The following IFT140 variants were observed in gnomAD, a reference collection of about 807,000 sequenced individuals.
IFT140 encodes the protein intraflagellar transport protein 140 homolog.
In IFT140, 133 loss-of-function variants were observed where a neutral mutation model predicts 164.6. That is an observed-to-expected ratio of 0.81 (90% CI 0.70 to 0.93). IFT140 has a LOEUF of 0.93. Ranked by LOEUF, IFT140 falls within the 40% of genes least tolerant of loss-of-function variation. IFT140 has a pLI of 0.00. For missense variants in IFT140, 2,045 were observed against 1,972.3 expected (o/e 1.04, Z -0.70); for synonymous variants, 860 against 817.3 (o/e 1.05, Z -0.89).
chr16:1,512,347 A>G (rs974814389), intron 30 of IFT140, among the ~76,000 whole-genome samples: 54 of 152,168 alleles, frequency 3.5e-4, no homozygotes, highest in African/African-American at 1.2e-3. Context: ...ATGGCGGGAA[A>G]GCTGAGCGGA....
intron 7 of IFT140, among the ~76,000 whole-genome samples, chr16:1,588,938 G>C (rs922858794): frequency 7.2e-5 from 11 of 152,116 alleles, no homozygotes; most frequent in Non-Finnish European, 1.2e-4. Flanking sequence ...GCCCTGTGGG[G>C]ACACCGGGAA....
At chr16:1,511,299 G>C in intron 30 of IFT140, 149 bp from the exon 31 acceptor site, 3 of 732,960 alleles carry the variant, frequency 4.1e-6, no homozygotes, top group South Asian at 1.5e-5. Context: ...CTTCCCATTG[G>C]TGATGGGGGA....
chr16:1,603,068 G>A (rs1334223234), intron 3 of IFT140, among the ~76,000 whole-genome samples: 1 of 152,150 alleles, frequency 6.6e-6, no homozygotes, highest in Non-Finnish European at 1.5e-5. Context: ...TCATAAAAAC[G>A]CACCAACCTT....
chr16:1,514,313 TGAGCC>T (rs1490732741), intron 30 of IFT140: 2 of 151,868 alleles, frequency 1.3e-5, no homozygotes, highest in Non-Finnish European at 2.9e-5. Flanking sequence ...GAGCTTGCAG[TGAGCC>T]GAGATCACGC....
intron 6 of IFT140, among the ~76,000 whole-genome samples, chr16:1,590,320 CCT>C (rs532700420): frequency 4.6e-4 from 70 of 152,290 alleles, no homozygotes; most frequent in African/African-American, 1.5e-3. Context: ...CTCCTCTGCC[CCT>C]GTCTTGGAGG....
chr16:1,589,922 C>A, intron 6 of IFT140, 142 bp from the exon 7 acceptor site: 2 of 706,748 alleles, frequency 2.8e-6, no homozygotes, highest in Non-Finnish European at 4.5e-6. Flanking sequence ...ATGGGCCGGG[C>A]AAAGTGGCTC....
intron 19 of IFT140, chr16:1,528,924 G>T (rs2030133632): frequency 6.6e-6 from 1 of 152,214 alleles, no homozygotes; most frequent in Admixed American, 6.5e-5. Flanking sequence ...TCTCCGGGAG[G>T]TGTGGGCTGC....
At chr16:1,570,676 T>C (rs1266781412) in intron 14 of IFT140, among the ~76,000 whole-genome samples, 1 of 152,176 alleles carries the variant, frequency 6.6e-6, no homozygotes, top group Non-Finnish European at 1.5e-5. Flanking sequence ...CCACACCCTT[T>C]AGTGAAGCTG....
rs763362512 is a variant in IFT140, at chr16:1,564,068, C to A, written c.1996G>T (p.Val666Leu). 6.2e-7 allele frequency: 1 copy of A among 1,604,558 alleles called. No homozygotes were observed. The part of the protein sequence containing the change: ...SEPRLFVCEA[V>L]QETPRSQPQS... ...GGCTGGGAGCGCGGCGTCTCCTGCA[C>A]GGCTTCGCATACAAACAGCCGGGGC... The change falls in exon 17 of 31, where the codon GTG (valine) becomes TTG (leucine). Residue 666 changes from valine to leucine, a missense_variant. Transcript: ENST00000426508. The surrounding 1 kb of genome is among the most constrained non-coding windows in gnomAD (Gnocchi z 5.5).
intron 19 of IFT140, chr16:1,554,970 C>A (rs996598795): frequency 1.2e-6 from 2 of 1,613,960 alleles, no homozygotes; most frequent in Non-Finnish European, 1.7e-6. Flanking sequence ...CAGCCGCTCC[C>A]TGACAGCGCG....
chr16:1,511,120 G>T lies in IFT140; in HGVS notation c.4213C>A (p.Arg1405=). ...TAGGACATGTTGGCCAAGGGAAGCC[G>T]CCGCCGCATCTCCTCCAGGAATCTG... ...AYRFLEEMRR[R]LPLANMSYYV... The change falls in exon 31 of 31, where the codon CGG becomes AGG. Residue 1405 remains arginine (R), a synonymous_variant. Coordinates refer to ENST00000426508, the MANE Select transcript of IFT140 (RefSeq NM_014714.4). 1 of 1,608,710 alleles carries T rather than the reference G, an allele frequency of 6.2e-7. No homozygotes were observed. The highest frequency in any genetic ancestry group is 8.5e-7 in the Non-Finnish European group (1 of 1,178,512).
chr16:1,528,199 C>T (rs1213261544), intron 19 of IFT140, among the ~76,000 whole-genome samples: 2 of 152,164 alleles, frequency 1.3e-5, no homozygotes, highest in South Asian at 4.1e-4. Context: ...TTCCAAGACA[C>T]AGCTCAGTGT....
chr16:1,541,558 G>A (rs2031637030), intron 19 of IFT140: 1 of 959,868 alleles, frequency 1.0e-6, no homozygotes, highest in African/African-American at 1.8e-5. Context: ...TTGCTGGTGG[G>A]CTTCCCCTTC....
rs1481285724 is a variant in IFT140 at position 1,553,674 on chromosome 16, C to T, written c.2399+4261G>A. On this transcript the variant is annotated intron_variant, in intron 19 of 30. Coordinates refer to ENST00000426508, the MANE Select transcript of IFT140 (RefSeq NM_014714.4). This position sits in a 1 kb window ranked among gnomAD's most constrained non-coding sequence, Gnocchi z 4.4. ...GGGTGCTGGGTGGGCAGAAGCGGGG[C>T]TGGGGCTGAAGGCTGGCTGGAGGCC... The T allele has an allele frequency of 1.9e-6, 2 of 1,069,594 alleles. No homozygotes were observed. The highest frequency in any genetic ancestry group is 2.3e-6 in the Non-Finnish European group (2 of 877,324). The allele number at this position is 1,069,594 out of a possible 1,614,324, so 66.3% of individuals were successfully genotyped here. A position where few individuals can be genotyped will look rare whatever the true frequency, so the allele number is the denominator to read the frequency against.
chr16:1,565,063 G>A (rs2033635318), intron 16 of IFT140, among the ~76,000 whole-genome samples: 1 of 152,232 alleles, frequency 6.6e-6, no homozygotes, highest in Non-Finnish European at 1.5e-5. Context: ...ACAGAAGGCA[G>A]GGGGCAAGAT....
chr16:1,515,856 C>T (rs1415140464), intron 30 of IFT140, among the ~76,000 whole-genome samples: 3 of 152,068 alleles, frequency 2.0e-5, no homozygotes, highest in South Asian at 2.1e-4. Flanking sequence ...ACATGCAAAT[C>T]GGAATCATAG....
intron 30 of IFT140, among the ~76,000 whole-genome samples, chr16:1,516,136 T>C (rs1361099459): frequency 1.2e-4 from 2 of 16,546 alleles, no homozygotes; most frequent in African/African-American, 2.8e-4. Context: ...CAAAACTCTG[T>C]CTCAAAAAAA....
At chr16:1,561,842 T>A in intron 18 of IFT140, 143 bp downstream of exon 18, 1 of 709,660 alleles carries the variant, frequency 1.4e-6, no homozygotes, top group Non-Finnish European at 2.2e-6. Context: ...TGAGACTGGA[T>A]GGCTGATGCT....
intron 3 of IFT140, 68 bp from the exon 4 acceptor site, chr16:1,602,659 A>C: frequency 2.0e-6 from 3 of 1,479,642 alleles, no homozygotes; most frequent in Non-Finnish European, 2.8e-6. Flanking sequence ...ACTTCTGTCT[A>C]GGCCGGGCAC....
Sources: allele counts gnomAD v4.1 joint callset (sites outside exome capture counted in the v4.1 genomes callset), GRCh38; gene constraint gnomAD v4.1.1; non-coding constraint Gnocchi (gnomAD v3.1); transcripts MANE v1.5; gene names NCBI Gene and HGNC (gene_info 2026-07-23, HGNC 2026-07-21).